Variants in WDR11 observed in about 807,000 individuals in gnomAD.
The protein encoded by WDR11 is WD repeat-containing protein 11.
Under a neutral mutation model 151.2 loss-of-function variants are expected in WDR11, and 83 were observed. That is an observed-to-expected ratio of 0.55 (90% CI 0.46 to 0.66). WDR11 has a LOEUF of 0.66. Among genes scored for constraint, WDR11 ranks in the 30% least tolerant of loss-of-function variants. The pLI, the probability that WDR11 is intolerant of heterozygous loss-of-function variation, is 0.00. For synonymous variants in WDR11, 484 were observed against 533.1 expected (o/e 0.91, Z 1.27); for missense variants, 1,301 against 1,480.9 (o/e 0.88, Z 1.99).
chr10:120,871,441 G>C, intron 10 of WDR11, 95 bp downstream of exon 10: 1 of 1,314,382 alleles, frequency 7.6e-7, no homozygotes, highest in East Asian at 2.3e-5. Flanking sequence ...TTTTGAGGAT[G>C]CTTTAAAAGG....
chr10:120,897,845 G>A (rs1489529848), intron 19 of WDR11, among the ~76,000 whole-genome samples: 1 of 152,072 alleles, frequency 6.6e-6, no homozygotes, highest in Admixed American at 6.5e-5. Context: ...AATTTGGACT[G>A]CATTTTAAGT....
At chr10:120,858,906 T>C in intron 3 of WDR11, 110 bp downstream of exon 3, 3 of 1,351,168 alleles carry the variant, frequency 2.2e-6, no homozygotes, top group Non-Finnish European at 3.1e-6. Context: ...AATTCCAAGT[T>C]AGCTCTTGAT....
intron 19 of WDR11, among the ~76,000 whole-genome samples, chr10:120,893,563 A>G (rs1232159987): frequency 6.7e-6 from 1 of 149,896 alleles, no homozygotes; most frequent in Non-Finnish European, 1.5e-5. Context: ...TGGTATTTCT[A>G]GTTCTAGATC....
chr10:120,871,400 G>T, intron 10 of WDR11, 54 bp downstream of exon 10: 1 of 1,545,842 alleles, frequency 6.5e-7, no homozygotes, highest in Non-Finnish European at 8.9e-7. Context: ...AGATGTTTAG[G>T]TTTTCTAGTT....
chr10:120,872,359 A>T (rs1478621589), intron 10 of WDR11, among the ~76,000 whole-genome samples: 1 of 152,192 alleles, frequency 6.6e-6, no homozygotes, highest in Non-Finnish European at 1.5e-5. Context: ...TTTAATTAGG[A>T]TTCATCAGTG....
At chr10:120,889,763 G>C in intron 17 of WDR11, 132 bp from the exon 18 acceptor site, 1 of 727,440 alleles carries the variant, frequency 1.4e-6, no homozygotes, top group Non-Finnish European at 2.5e-6. Flanking sequence ...GTGGCCCCCA[G>C]TCCCAGCAAG....
chr10:120,904,170 C>T, intron 24 of WDR11, 28 bp downstream of exon 24: 1 of 1,505,294 alleles, frequency 6.6e-7, no homozygotes, highest in Non-Finnish European at 9.2e-7. Flanking sequence ...ACTCTACATG[C>T]TTCATTAAAT....
intron 4 of WDR11, among the ~76,000 whole-genome samples, chr10:120,861,014 A>G (rs1401027636): frequency 2.0e-5 from 3 of 152,146 alleles, no homozygotes; most frequent in Non-Finnish European, 2.9e-5. Flanking sequence ...CTAGTGTAGT[A>G]AGAGGTGACA....
rs1847758011 is a variant in WDR11, at chr10:120,900,071, T to C, written c.2558T>C (p.Leu853Pro). Residue 853 changes from leucine (L) to proline (P), a missense_variant, in exon 20 of 29, where the codon CTT (leucine) becomes CCT (proline). By Grantham distance (98) the Leu-to-Pro change is moderately conservative. Around this residue, in one of 3 missense-constraint regions of WDR11, gnomAD observed 589 missense variants for 670.6 expected, o/e 0.88. Coordinates refer to ENST00000263461, the MANE Select transcript of WDR11 (RefSeq NM_018117.12). ...TATCTCCTTGTTCCAAGGGCCTCTC[T>C]TGCCTTGAAAGCCTTCTTATTACAC... Reference protein sequence around the residue: ...CPYLLVPRASLALKAFLLHQP... With the variant: ...CPYLLVPRASPALKAFLLHQP... 1 of 1,614,174 alleles carries C rather than the reference T, an allele frequency of 6.2e-7. No homozygotes were observed. Among genetic ancestry groups the C allele is most frequent in the Admixed American group, 1.7e-5 (1 of 60,032 alleles).
intron 19 of WDR11, among the ~76,000 whole-genome samples, chr10:120,899,371 T>C (rs1847729351): frequency 6.6e-6 from 1 of 152,198 alleles, no homozygotes; most frequent in Non-Finnish European, 1.5e-5. Context: ...CAGGTAAATA[T>C]ATTTATTTTT....
At position 120,903,378 on chromosome 10, in the gene WDR11, C is replaced by A; in HGVS notation, c.2931+146C>A. 1.1e-5 allele frequency: 11 copies of A among 1,004,808 alleles called. No homozygotes were observed. In the South Asian group the frequency reaches 1.4e-4, roughly 13 times the overall value. The allele number at this position is 1,004,808 out of a possible 1,614,324, so 62.2% of individuals were successfully genotyped here. ...CTTGAAAATTAGCTGGGTGTGGTGGCACGTGCCTGTAGTCCCAGCTACTCA... is the reference window on the plus strand; with the variant it reads ...CTTGAAAATTAGCTGGGTGTGGTGGAACGTGCCTGTAGTCCCAGCTACTCA... On this transcript the variant is annotated intron_variant, in intron 23 of 28. Transcript: ENST00000263461.
At chr10:120,885,772 G>C (rs1332696101) in intron 14 of WDR11, 42 bp from the exon 15 acceptor site, 6 of 1,611,560 alleles carry the variant, frequency 3.7e-6, no homozygotes, top group Non-Finnish European at 5.1e-6. Flanking sequence ...TTTGACAGAA[G>C]GAAACCTAGC....
chr10:120,900,810 C>G (rs1847786711), intron 20 of WDR11, among the ~76,000 whole-genome samples: 1 of 152,174 alleles, frequency 6.6e-6, no homozygotes, highest in Non-Finnish European at 1.5e-5. Context: ...GCCAAGGAGA[C>G]TTTCTTTACT....
chr10:120,880,695 C>T, intron 12 of WDR11, 131 bp from the exon 13 acceptor site: 1 of 810,044 alleles, frequency 1.2e-6, no homozygotes, highest in Non-Finnish European at 2.0e-6. Context: ...AGATTAGAAG[C>T]AAATGGAAGA....
At chr10:120,889,237 C>T in intron 17 of WDR11, 53 bp downstream of exon 17, 1 of 963,128 alleles carries the variant, frequency 1.0e-6, no homozygotes, top group Non-Finnish European at 1.5e-6. Flanking sequence ...GAAATGAAAT[C>T]TTTTTGTTTT....
intron 9 of WDR11, among the ~76,000 whole-genome samples, chr10:120,869,105 GGTTTTT>G (rs1288500079): frequency 4.2e-5 from 3 of 71,634 alleles, no homozygotes; most frequent in Admixed American, 1.9e-4. Context: ...ATAAATTACA[GGTTTTT>G]TTTTTTTTTT....
Position 120,889,086 on chromosome 10 carries a change from G to A in WDR11, c.2130G>A (p.Met710Ile). The change falls in exon 17 of 29, where the codon ATG (methionine) becomes ATA (isoleucine). Residue 710 changes from methionine (M) to isoleucine (I), a missense_variant. Met to Ile is a conservative substitution (Grantham distance 10). Around this residue, in one of 3 missense-constraint regions of WDR11, gnomAD observed 589 missense variants for 670.6 expected, o/e 0.88. Transcript: ENST00000263461. ...TTGCTGTTGTTTTCTAGGGAAGTATGGGTAGTATTACCTGCATCGCTTGGA... is the reference window on the plus strand; with the variant it reads ...TTGCTGTTGTTTTCTAGGGAAGTATAGGTAGTATTACCTGCATCGCTTGGA... Reference protein sequence around the residue: ...DSARIPPDGSMGSITCIAWKG... With the variant: ...DSARIPPDGSIGSITCIAWKG... The A allele has an allele frequency of 6.2e-7, 1 of 1,610,550 alleles. No homozygotes were observed. Among genetic ancestry groups the A allele is most frequent in the Middle Eastern group, 1.7e-4 (1 of 6,056 alleles).
chr10:120,873,967 GAAA>G, intron 11 of WDR11, 44 bp downstream of exon 11: 1 of 1,381,204 alleles, frequency 7.2e-7, no homozygotes, highest in African/African-American at 1.4e-5. Flanking sequence ...CATCATATCA[GAAA>G]AAAAATTCTC....
At position 120,905,397 on chromosome 10, in the gene WDR11, G is replaced by C. The variant is rs759599780; in HGVS notation, c.3272G>C (p.Arg1091Pro). The change falls in exon 26 of 29, where the codon CGG (arginine) becomes CCG (proline). Residue 1091 changes from arginine to proline, a missense_variant. This residue lies in a region of WDR11 where 589 missense variants were observed against 670.6 expected (regional missense o/e 0.88). Transcript: ENST00000263461. ...RYLQTYGEWN[R>P]AAWLAKVRLN... ...CTGCAGACATACGGCGAGTGGAATC[G>C]GGCTGCATGGCTGGCAAAAGTAGGT... is the stretch of plus-strand genomic sequence containing the variant. 14 of 1,613,992 alleles carry C rather than the reference G, an allele frequency of 8.7e-6. No individual in the cohort carries two copies. Among genetic ancestry groups the C allele is most frequent in the Non-Finnish European group, 1.0e-5 (12 of 1,180,034 alleles).
Sources: gnomAD v4.1 joint callset for allele counts (sites outside exome capture counted in the v4.1 genomes callset) on GRCh38, gnomAD v4.1.1 for gene constraint, gnomAD v4.1.1 regional missense constraint, MANE v1.5 for transcripts, NCBI Gene and HGNC (gene_info 2026-07-23, HGNC 2026-07-21) for gene names.